NFE2L2: variants seen among roughly 807,000 people sequenced by gnomAD.
The protein encoded by NFE2L2 is NFE2 like bZIP transcription factor 2.
A neutral mutation model predicts 49.6 loss-of-function variants in NFE2L2; 20 were observed. The observed-to-expected ratio is 0.40, with a 90% confidence interval of 0.28 to 0.59. The LOEUF (loss-of-function observed/expected upper bound fraction) is 0.59. Among genes scored for constraint, NFE2L2 ranks in the 20% least tolerant of loss-of-function variants. NFE2L2 has a pLI of 0.40. For missense variants in NFE2L2, 578 were observed against 714.2 expected, an observed-to-expected ratio of 0.81 and a Z score of 2.17; for synonymous variants, 244 against 256.5, an observed-to-expected ratio of 0.95 and a Z score of 0.47.
intron 1 of NFE2L2, 96 bp downstream of exon 1, chr2:177,264,436 G>C: frequency 7.7e-7 from 1 of 1,307,088 alleles, no homozygotes; most frequent in Non-Finnish European, 1.0e-6. Flanking sequence ...AGACGTGGGG[G>C]AAGCCGGTTG....
chr2:177,247,170 C>T (rs565987106), intron 1 of NFE2L2, among the ~76,000 whole-genome samples: 1 of 152,224 alleles, frequency 6.6e-6, no homozygotes, highest in South Asian at 2.1e-4. Flanking sequence ...CTTTTACACT[C>T]GCACCAGCAG....
intron 1 of NFE2L2, among the ~76,000 whole-genome samples, chr2:177,251,523 G>A (rs1414671753): frequency 2.0e-5 from 3 of 152,148 alleles, no homozygotes; most frequent in Admixed American, 6.5e-5. Context: ...TCTTCCAGAG[G>A]AGCCGGGGCA....
intron 1 of NFE2L2, among the ~76,000 whole-genome samples, chr2:177,262,651 G>A (rs1386929510): frequency 2.0e-5 from 3 of 152,134 alleles, no homozygotes; most frequent in Non-Finnish European, 4.4e-5. Context: ...AAACGTAATT[G>A]GAAAATACAC....
At chr2:177,245,108 G>C (rs147349290) in intron 1 of NFE2L2, among the ~76,000 whole-genome samples, 2,068 of 150,882 alleles carry the variant, frequency 0.014, 22 homozygotes, top group Non-Finnish European at 0.023. Flanking sequence ...TCCTCCCCAA[G>C]AGGCTCTGAG....
rs1689626083 is a variant in NFE2L2, at chr2:177,233,323, T to C, written c.329A>G (p.Lys110Arg). ...GTCATCAAAGTACAAAGCATCTGATTTGGGAATGTGGGCAACCTGATAAAA... is the reference window on the plus strand; with the variant it reads ...GTCATCAAAGTACAAAGCATCTGATCTGGGAATGTGGGCAACCTGATAAAA... ...ANYSQVAHIP[K>R]SDALYFDDCM... Residue 110 changes from lysine to arginine, a missense_variant, in exon 3 of 5, where the codon AAA (lysine) becomes AGA (arginine). Physicochemically the swap from Lys to Arg is conservative, Grantham distance 26. Around this residue, in one of 3 missense-constraint regions of NFE2L2, gnomAD observed 93 missense variants for 153.9 expected, o/e 0.60. Transcript: ENST00000397062. 6.2e-7 allele frequency: 1 copy of C among 1,609,678 alleles called. No homozygotes were observed. The highest frequency in any genetic ancestry group is 8.5e-7 in the Non-Finnish European group (1 of 1,178,658).
chr2:177,234,113 T>A lies in NFE2L2; in HGVS notation c.204A>T (p.Lys68Asn), dbSNP rs2105458771. 6.2e-7 allele frequency: 1 copy of A among 1,614,212 alleles called. No individual in the cohort carries two copies. Among genetic ancestry groups the A allele is most frequent in the Non-Finnish European group, 8.5e-7 (1 of 1,180,030 alleles). The change falls in exon 2 of 5, where the codon AAA becomes AAT. Residue 68 changes from lysine (K) to asparagine (N), a missense_variant. Lys to Asn is a moderately conservative substitution (Grantham distance 94). Around this residue, in one of 3 missense-constraint regions of NFE2L2, gnomAD observed 93 missense variants for 153.9 expected, o/e 0.60. Transcript: ENST00000397062. ...RQEQLQKEQE[K>N]AFFAQLQLDE... ...CTAGTTGTAACTGAGCGAAAAAGGC[T>A]TTCTCTTGCTCCTTTTGGAGTTGTT...
intron 2 of NFE2L2, chr2:177,233,666 G>A: frequency 2.0e-6 from 1 of 502,478 alleles, no homozygotes; most frequent in South Asian, 2.6e-5. Context: ...AACAGTGCTT[G>A]CCACACACAG....
Position 177,233,197 on chromosome 2 carries a change from A to C in NFE2L2, c.402+53T>G, listed in dbSNP as rs774759551. The C allele has an allele frequency of 7.8e-6, 11 of 1,402,868 alleles. No homozygotes were observed. The East Asian group carries it at 2.4e-4, about 31-fold the overall frequency. 86.9% of individuals were successfully genotyped at this position (1,402,868 alleles called of 1,614,324 possible). On this transcript the variant is annotated intron_variant, in intron 3 of 4. Coordinates refer to ENST00000397062, the MANE Select transcript of NFE2L2 (RefSeq NM_006164.5). ...CGGGACTTACATAGAATAGATTGTT[A>C]TTTTATAGTTATGATGGAGTTTTTC...
In NFE2L2 at chr2:177,231,089, C is replaced by T. The variant is rs1385102448; in HGVS notation, c.1514G>A (p.Gly505Asp). 6.2e-7 allele frequency: 1 copy of T among 1,613,950 alleles called. No individual in the cohort carries two copies. The highest frequency in any genetic ancestry group is 8.5e-7 in the Non-Finnish European group (1 of 1,180,046). Reference protein sequence around the residue: ...LALIRDIRRRGKNKVAAQNCR... With the variant: ...LALIRDIRRRDKNKVAAQNCR... Reference sequence around the variant, plus strand: ...ATTCTGAGCAGCCACTTTATTCTTACCCCTCCTACGTATATCCCGAATTAA... The same window carrying T: ...ATTCTGAGCAGCCACTTTATTCTTATCCCTCCTACGTATATCCCGAATTAA... Residue 505 changes from glycine to aspartate, a missense_variant, in exon 5 of 5, where the codon GGT becomes GAT. By Grantham distance (94) the Gly-to-Asp change is moderately conservative (BLOSUM62 -1). Transcript: ENST00000397062.
In NFE2L2 at chr2:177,264,671, CGGCGGCGGT is replaced by C. The variant is rs1192556728; in HGVS notation, c.-104_-96del. 21 of 1,171,394 alleles carry C rather than the reference CGGCGGCGGT, an allele frequency of 1.8e-5. 1 individual carries two copies. Among genetic ancestry groups the C allele is most frequent in the Non-Finnish European group, 2.3e-5 (21 of 918,642 alleles). 72.6% of individuals were successfully genotyped at this position (1,171,394 alleles called of 1,614,324 possible). A position where few individuals can be genotyped will look rare whatever the true frequency, so the allele number is the denominator to read the frequency against. Reference sequence around the variant, plus strand: ...GACAGGGCGGCTCTGGTGGCGGCGGCGGCGGCGGTGGCGGCTGCGTCGGCGGCTCCTCCG... The same window carrying C: ...GACAGGGCGGCTCTGGTGGCGGCGGCGGCGGCTGCGTCGGCGGCTCCTCCG... On this transcript the variant is annotated 5_prime_UTR_variant, in exon 1 of 5. Transcript: ENST00000397062.
chr2:177,263,590 G>A (rs1690822850), intron 1 of NFE2L2: 1 of 985,278 alleles, frequency 1.0e-6, no homozygotes, highest in South Asian at 4.7e-5. Context: ...GGCCAACCGA[G>A]GGCTGCTGTG....
At chr2:177,238,321 C>T (rs1689825308) in intron 1 of NFE2L2, among the ~76,000 whole-genome samples, 1 of 152,176 alleles carries the variant, frequency 6.6e-6, no homozygotes, top group African/African-American at 2.4e-5. Flanking sequence ...TACAACCAAC[C>T]CTCATGAGCT....
Position 177,264,251 on chromosome 2 carries a change from C to A in NFE2L2, c.45+281G>T, listed in dbSNP as rs578216164. ...GGGCCCGGGGACGCGGCTGGATTCT[C>A]CCCCAAGGCCCACGCGAGCGGGCTC... On this transcript the variant is annotated intron_variant, in intron 1 of 4. Coordinates refer to ENST00000397062, the MANE Select transcript of NFE2L2 (RefSeq NM_006164.5). 1.0e-5 allele frequency: 4 copies of A among 383,380 alleles called. No individual in the cohort carries two copies. In the Admixed American group the frequency reaches 1.4e-4, roughly 14 times the overall value. The allele number at this position is 383,380 out of a possible 1,614,324, so 23.7% of individuals were successfully genotyped here.
At chr2:177,238,011 T>C (rs1689812630) in intron 1 of NFE2L2, among the ~76,000 whole-genome samples, 1 of 152,242 alleles carries the variant, frequency 6.6e-6, no homozygotes, top group South Asian at 2.1e-4. Context: ...TCCTGCGATC[T>C]TAATTGAACT....
rs1046551305 is a variant in NFE2L2 at position 177,233,272 on chromosome 2, A to G, written c.380T>C (p.Phe127Ser). 6.3e-7 allele frequency: 1 copy of G among 1,598,042 alleles called. No individual in the cohort carries two copies. The highest frequency in any genetic ancestry group is 8.5e-7 in the Non-Finnish European group (1 of 1,175,766). The change falls in exon 3 of 5, where the codon TTC becomes TCC. Residue 127 changes from phenylalanine to serine, a missense_variant. Physicochemically the swap from Phe to Ser is radical, Grantham distance 155 (BLOSUM62 -2). Coordinates refer to ENST00000397062, the MANE Select transcript of NFE2L2 (RefSeq NM_006164.5). ...DDCMQLLAQT[F>S]PFVDDNEVSS... ...CACCTCATTGTCATCTACAAACGGG[A>G]ATGTCTGCGCCAAAAGCTGCATGCA...
At chr2:177,234,634 T>C (rs1689676419) in intron 1 of NFE2L2, among the ~76,000 whole-genome samples, 2 of 152,236 alleles carry the variant, frequency 1.3e-5, no homozygotes, top group African/African-American at 4.8e-5. Flanking sequence ...TCTAAGCCAC[T>C]GGCTTATATA....
Position 177,231,832 on chromosome 2 carries a change from G to A in NFE2L2, c.771C>T (p.Ile257=). ...ACTGGTTGGGGTCTTCTGTGGAGAG[G>A]ATGCTGCTGAAGGAATCCTCAAAAG... is the stretch of plus-strand genomic sequence containing the variant. ...LNAFEDSFSS[I]LSTEDPNQLT... The change falls in exon 5 of 5, where the codon ATC becomes ATT. Residue 257 remains isoleucine, a synonymous_variant. Coordinates refer to ENST00000397062, the MANE Select transcript of NFE2L2 (RefSeq NM_006164.5). 6.2e-7 allele frequency: 1 copy of A among 1,614,216 alleles called. No homozygotes were observed. The highest frequency in any genetic ancestry group is 8.5e-7 in the Non-Finnish European group (1 of 1,180,022).
chr2:177,248,925 A>C (rs557078238), intron 1 of NFE2L2, among the ~76,000 whole-genome samples: 1 of 152,080 alleles, frequency 6.6e-6, no homozygotes, highest in Non-Finnish European at 1.5e-5. Flanking sequence ...TGGGCCCCTA[A>C]AAACTGCCAA....
chr2:177,263,803 G>A (rs767805996), intron 1 of NFE2L2: 108 of 985,394 alleles, frequency 1.1e-4, no homozygotes, highest in Non-Finnish European at 1.3e-4. Flanking sequence ...GAGAAAGTGC[G>A]CGGGGCCCGG....
Sources: allele counts gnomAD v4.1 joint callset (sites outside exome capture counted in the v4.1 genomes callset), GRCh38; gene constraint gnomAD v4.1.1; regional missense constraint gnomAD v4.1.1; transcripts MANE v1.5; gene names NCBI Gene and HGNC (gene_info 2026-07-23, HGNC 2026-07-21).